Variants in SOX6 observed in about 807,000 individuals in gnomAD.
SOX6 encodes transcription factor SOX-6.
SOX6 carries 11 observed loss-of-function variants against 97.8 expected under a neutral mutation model. That is an observed-to-expected ratio of 0.11 (90% CI 0.07 to 0.19). The LOEUF (loss-of-function observed/expected upper bound fraction) is 0.19. SOX6 is among the 10% of genes least tolerant of loss of function. The pLI, the probability that SOX6 is intolerant of heterozygous loss-of-function variation, is 1.00. For missense variants in SOX6, 810 were observed against 1,039.5 expected (o/e 0.78, Z 3.04); for synonymous variants, 360 against 371.4 (o/e 0.97, Z 0.35).
intron 3 of SOX6, among the ~76,000 whole-genome samples, chr11:16,638,894 C>A (rs886465445): frequency 3.3e-5 from 5 of 152,148 alleles, no homozygotes; most frequent in Non-Finnish European, 5.9e-5. Context: ...ATGGTAGTTT[C>A]TTTTCCTGTG....
At chr11:16,508,010 T>C (rs1401905000) in intron 4 of SOX6, among the ~76,000 whole-genome samples, 1 of 151,994 alleles carries the variant, frequency 6.6e-6, no homozygotes, top group Admixed American at 6.6e-5. Context: ...ATCCAGAATT[T>C]ACAAGAAACT....
chr11:16,640,483 T>C (rs1180509942), intron 3 of SOX6, among the ~76,000 whole-genome samples: 6 of 152,330 alleles, frequency 3.9e-5, no homozygotes, highest in Non-Finnish European at 5.9e-5. Flanking sequence ...TCAGAAGGAA[T>C]GGTACCAGCT....
intron 3 of SOX6, among the ~76,000 whole-genome samples, chr11:16,667,575 T>G (rs1034309060): frequency 3.3e-5 from 5 of 150,784 alleles, no homozygotes; most frequent in African/African-American, 1.2e-4. Flanking sequence ...TATCCTAGAA[T>G]AGTGTATCCA....
chr11:16,521,314 G>A (rs557155811), intron 4 of SOX6, among the ~76,000 whole-genome samples: 7 of 152,218 alleles, frequency 4.6e-5, no homozygotes, highest in East Asian at 3.9e-4. Flanking sequence ...AGCAGCATTC[G>A]CGATTCACGA....
intron 4 of SOX6, among the ~76,000 whole-genome samples, chr11:16,563,149 T>A (rs1175294356): frequency 6.6e-6 from 1 of 151,842 alleles, no homozygotes; most frequent in African/African-American, 2.4e-5. Context: ...ATAAAAAATA[T>A]ATAAATGAGC....
intron 6 of SOX6, among the ~76,000 whole-genome samples, chr11:16,143,029 A>C (rs1196923607): frequency 6.6e-6 from 1 of 152,178 alleles, no homozygotes; most frequent in Non-Finnish European, 1.5e-5. Flanking sequence ...CGAGAAGAGC[A>C]ACTCCAAGAC....
chr11:16,334,259 G>C (rs566557832), intron 2 of SOX6, among the ~76,000 whole-genome samples: 117 of 152,002 alleles, frequency 7.7e-4, no homozygotes, highest in Admixed American at 2.6e-3. Context: ...AATGCAAAAA[G>C]TCTTTGCACA....
intron 6 of SOX6, among the ~76,000 whole-genome samples, chr11:16,132,505 A>AAAGCAAGAAAGCAAGC (rs57320186): frequency 1.2e-5 from 1 of 86,152 alleles, no homozygotes; most frequent in Admixed American, 1.2e-4. Context: ...AGAAAGAAAG[A>AAAGCAAGAAAGCAAGC]AAGCTTATCT....
In SOX6 at chr11:16,570,674, A is replaced by G. The variant is rs144274310; in HGVS notation, n.609+41407T>C. The stretch of plus-strand genomic sequence containing the variant: ...TTTAAATGGTTTTCAAAACTGTTCA[A>G]ATTAGTTAAAGTACTGATACCTTCC... On this transcript the variant is annotated intron_variant and non_coding_transcript_variant, in intron 4 of 5. Transcript: ENST00000524520. Among the ~76,000 whole-genome samples, 6 of 152,310 alleles carry G rather than the reference A, an allele frequency of 3.9e-5. No homozygotes were observed. In the East Asian group the frequency reaches 9.6e-4, roughly 24 times the overall value.
chr11:16,163,465 T>A (rs1481649679), intron 6 of SOX6, among the ~76,000 whole-genome samples: 1 of 152,210 alleles, frequency 6.6e-6, no homozygotes, highest in Non-Finnish European at 1.5e-5. Context: ...ACTGATAGAA[T>A]GTATAATCCT....
intron 1 of SOX6, among the ~76,000 whole-genome samples, chr11:16,432,533 T>G (rs10734244): frequency 2.0e-5 from 3 of 152,108 alleles, no homozygotes; most frequent in East Asian, 1.9e-4. Flanking sequence ...ATGATACAAA[T>G]TGCCGTAATC....
Position 16,018,900 on chromosome 11 carries a change from A to C in SOX6, c.1624-3850T>G, listed in dbSNP as rs1333604252. 2.6e-5 allele frequency among the ~76,000 whole-genome samples: 4 copies of C among 152,156 alleles called. No homozygotes were observed. The East Asian group carries it at 7.7e-4, about 29-fold the overall frequency. ...GGGACACTTAGATCAGGCAGCAGGAAGACATTCCATATAGTCTGAAGAAAA... is the reference window on the plus strand; with the variant it reads ...GGGACACTTAGATCAGGCAGCAGGACGACATTCCATATAGTCTGAAGAAAA... On this transcript the variant is annotated intron_variant, in intron 12 of 15. Transcript: ENST00000683767.
At chr11:16,460,971 C>T (rs1452025447) in intron 1 of SOX6, among the ~76,000 whole-genome samples, 1 of 152,026 alleles carries the variant, frequency 6.6e-6, no homozygotes, top group African/African-American at 2.4e-5. Flanking sequence ...TTCCTCAAGG[C>T]AATTATATTT....
chr11:16,577,076 G>T (rs1026018582), intron 4 of SOX6: 2 of 152,102 alleles, frequency 1.3e-5, no homozygotes, highest in African/African-American at 4.8e-5. Flanking sequence ...CTCCCGTGCT[G>T]ATCAAAATAT....
intron 1 of SOX6, among the ~76,000 whole-genome samples, chr11:16,362,502 G>GA (rs1032884687): frequency 9.9e-5 from 15 of 152,038 alleles, no homozygotes; most frequent in Non-Finnish European, 1.6e-4. Flanking sequence ...AGGAAAGCCC[G>GA]AAAAAACCTA....
intron 6 of SOX6, among the ~76,000 whole-genome samples, chr11:16,173,607 T>C (rs939246361): frequency 8.9e-6 from 1 of 111,740 alleles, no homozygotes; most frequent in Non-Finnish European, 1.9e-5. Context: ...ACTAGAAAAG[T>C]GTTTGTTTTT....
At chr11:16,144,396 G>T (rs1589970686) in intron 6 of SOX6, among the ~76,000 whole-genome samples, 1 of 152,292 alleles carries the variant, frequency 6.6e-6, no homozygotes, top group Non-Finnish European at 1.5e-5. Context: ...ACAAGAGAAA[G>T]CAGGAAAGAT....
intron 4 of SOX6, among the ~76,000 whole-genome samples, chr11:16,538,345 C>A (rs1360300777): frequency 6.6e-6 from 1 of 152,148 alleles, no homozygotes; most frequent in East Asian, 1.9e-4. Flanking sequence ...TGGAAAGGAA[C>A]AACCAGTAAC....
intron 1 of SOX6, among the ~76,000 whole-genome samples, chr11:16,418,620 A>G (rs1466077784): frequency 1.3e-5 from 2 of 152,102 alleles, no homozygotes; most frequent in African/African-American, 4.8e-5. Context: ...TCAATGGACC[A>G]GCTATCCTTA....
Sources: allele counts gnomAD v4.1 joint callset (sites outside exome capture counted in the v4.1 genomes callset), GRCh38; gene constraint gnomAD v4.1.1; transcripts MANE v1.5; gene names NCBI Gene and HGNC (gene_info 2026-07-23, HGNC 2026-07-21).